ENPP1: variants seen among roughly 807,000 people sequenced by gnomAD.
ENPP1 encodes the protein ectonucleotide pyrophosphatase/phosphodiesterase 1.
A neutral mutation model predicts 122.8 loss-of-function variants in ENPP1; 73 were observed. The observed-to-expected ratio is 0.59, with a 90% CI of 0.49 to 0.72. The LOEUF (loss-of-function observed/expected upper bound fraction) is 0.72. Ranked by LOEUF, ENPP1 falls within the 30% of genes least tolerant of loss-of-function variation. ENPP1 has a pLI of 0.00. For synonymous variants in ENPP1, 367 were observed against 391.6 expected (o/e 0.94, Z 0.74); for missense variants, 978 against 1,128.1 (o/e 0.87, Z 1.91).
At chr6:131,886,954 G>A (rs576812146) in intron 24 of ENPP1, among the ~76,000 whole-genome samples, 1 of 147,660 alleles carries the variant, frequency 6.8e-6, no homozygotes, top group South Asian at 2.1e-4. Flanking sequence ...TTTAGAGATA[G>A]GGTCTTTCTA....
rs531188175 is a variant in ENPP1 at position 131,889,968 on chromosome 6, C to G, written c.2608-373C>G. The stretch of plus-strand genomic sequence containing the variant: ...CTAGCTAGCGTCTGTTGTTTTTTGA[C>G]TTTTTAATAATAGGCATTCTGAGTG... On this transcript the variant is annotated intron_variant, in intron 24 of 24. Transcript: ENST00000647893. Among the ~76,000 whole-genome samples, 6 of 150,022 alleles carry G rather than the reference C, an allele frequency of 4.0e-5. No individual in the cohort carries two copies. The East Asian group carries it at 9.6e-4, about 24-fold the overall frequency.
chr6:131,822,284 G>T (rs1006596854), intron 1 of ENPP1, among the ~76,000 whole-genome samples: 4 of 152,130 alleles, frequency 2.6e-5, no homozygotes, highest in Non-Finnish European at 5.9e-5. Context: ...TCAGAGACAG[G>T]GTTCATGTAA....
intron 1 of ENPP1, among the ~76,000 whole-genome samples, chr6:131,839,495 A>G (rs1294236552): frequency 6.6e-6 from 1 of 152,194 alleles, no homozygotes; most frequent in African/African-American, 2.4e-5. Context: ...GCTTACTGTT[A>G]TGCTGAGAAC....
intron 18 of ENPP1, 36 bp downstream of exon 18, chr6:131,877,197 G>A (rs753723538): frequency 1.3e-6 from 2 of 1,592,326 alleles, no homozygotes; most frequent in Non-Finnish European, 1.7e-6. Context: ...CAGTATGTAT[G>A]GTTTGATAGC....
chr6:131,877,866 A>AAAAAAAAAAAAATATAT (rs1562183349), intron 18 of ENPP1: 2 of 53,020 alleles, frequency 3.8e-5, no homozygotes, highest in Non-Finnish European at 6.0e-5. Flanking sequence ...AAAAAAAAAA[A>AAAAAAAAAAAAATATAT]ATATATATAT....
At chr6:131,809,128 T>C (rs1466262544) in intron 1 of ENPP1, among the ~76,000 whole-genome samples, 4 of 152,116 alleles carry the variant, frequency 2.6e-5, no homozygotes, top group Non-Finnish European at 5.9e-5. Context: ...GTGCATTGCA[T>C]GGGATTATTG....
chr6:131,815,699 T>C (rs949408590), intron 1 of ENPP1, among the ~76,000 whole-genome samples: 1 of 151,432 alleles, frequency 6.6e-6, no homozygotes, highest in African/African-American at 2.4e-5. Flanking sequence ...TTTTTATCTA[T>C]CAGCCTTTTT....
At chr6:131,853,285 G>A (rs960470351) in intron 5 of ENPP1, among the ~76,000 whole-genome samples, 7 of 152,102 alleles carry the variant, frequency 4.6e-5, no homozygotes, top group Non-Finnish European at 7.4e-5. Context: ...AAATTTTCAT[G>A]TACCCTAAAC....
At chr6:131,887,351 T>C (rs534842724) in intron 24 of ENPP1, among the ~76,000 whole-genome samples, 1 of 152,228 alleles carries the variant, frequency 6.6e-6, no homozygotes, top group East Asian at 1.9e-4. Context: ...TTTAAAAATC[T>C]ACATTGTAGA....
At position 131,866,061 on chromosome 6, in the gene ENPP1, C is replaced by T. The variant is rs535751597; in HGVS notation, c.1164+1123C>T. The stretch of plus-strand genomic sequence containing the variant: ...TTCCTTGTACCTCTAAGTTGACTTT[C>T]CTTCTGATATATATTTTGTTGGTGA... On this transcript the variant is annotated intron_variant, in intron 11 of 24. Transcript: ENST00000647893. Among the ~76,000 whole-genome samples the T allele has an allele frequency of 4.6e-5, 7 of 151,646 alleles. No homozygotes were observed. In the East Asian group the frequency reaches 1.2e-3, roughly 25 times the overall value.
chr6:131,819,937 T>G, intron 1 of ENPP1: 1 of 502,652 alleles, frequency 2.0e-6, no homozygotes. Context: ...TTTCCATAGC[T>G]TCTTTTTTTT....
At chr6:131,855,593 T>C (rs891914072) in intron 6 of ENPP1, among the ~76,000 whole-genome samples, 1 of 152,220 alleles carries the variant, frequency 6.6e-6, no homozygotes, top group African/African-American at 2.4e-5. Context: ...TCCAAAGTGC[T>C]AGGATTACAG....
chr6:131,867,348 G>A (rs1021183997), intron 11 of ENPP1, among the ~76,000 whole-genome samples: 3 of 152,214 alleles, frequency 2.0e-5, no homozygotes, highest in Admixed American at 6.5e-5. Flanking sequence ...AAGGAGAGAG[G>A]ATAAAATAAG....
chr6:131,857,283 A>G (rs1781959653), intron 6 of ENPP1, among the ~76,000 whole-genome samples: 1 of 149,138 alleles, frequency 6.7e-6, no homozygotes, highest in South Asian at 2.2e-4. Context: ...CATTTGACCC[A>G]GCCATCCCAT....
At chr6:131,858,920 A>G (rs573282788) in intron 7 of ENPP1, among the ~76,000 whole-genome samples, 173 bp downstream of exon 7, 1 of 152,342 alleles carries the variant, frequency 6.6e-6, no homozygotes, top group Non-Finnish European at 1.5e-5. Flanking sequence ...GTGGCTTTGG[A>G]AAGGTCACTT....
intron 1 of ENPP1, among the ~76,000 whole-genome samples, chr6:131,837,518 C>T (rs1781691132): frequency 1.2e-5 from 1 of 86,810 alleles, no homozygotes; most frequent in Non-Finnish European, 2.0e-5. Context: ...GAGACTCTGT[C>T]TCAAAAAAAA....
intron 9 of ENPP1, among the ~76,000 whole-genome samples, chr6:131,862,616 G>A (rs980203781): frequency 1.3e-5 from 2 of 152,170 alleles, no homozygotes; most frequent in Non-Finnish European, 2.9e-5. Flanking sequence ...GATCAAGTGA[G>A]TTTTTCTTGC....
intron 1 of ENPP1, among the ~76,000 whole-genome samples, chr6:131,831,842 C>T (rs1231936248): frequency 6.6e-6 from 1 of 152,052 alleles, no homozygotes; most frequent in East Asian, 1.9e-4. Context: ...TGTCCCTTTC[C>T]ATACTGTACC....
rs764047049 is a variant in ENPP1, at chr6:131,861,681, A to G, written c.1002A>G (p.Pro334=). The G allele has an allele frequency of 6.2e-7, 1 of 1,608,926 alleles. No homozygotes were observed. Among genetic ancestry groups the G allele is most frequent in the Non-Finnish European group, 8.5e-7 (1 of 1,175,222 alleles). ...GSDVEINGIF[P]DIYKMYNGSV... is the part of the protein sequence containing the mutation. ...ATGTGGAAATTAACGGAATTTTCCC[A>G]GACATCTATAAAATGTATAATGGGT... Residue 334 remains proline (P), a synonymous_variant, in exon 9 of 25, where the codon CCA becomes CCG. Transcript: ENST00000647893.
Sources: gnomAD v4.1 joint callset for allele counts (sites outside exome capture counted in the v4.1 genomes callset) on GRCh38, gnomAD v4.1.1 for gene constraint, MANE v1.5 for transcripts, NCBI Gene and HGNC (gene_info 2026-07-23, HGNC 2026-07-21) for gene names.